The following RBMS3 variants were observed in gnomAD, a reference collection of about 807,000 sequenced individuals.
RBMS3 encodes RNA binding motif single stranded interacting protein 3, also known as RNA-binding motif, single-stranded-interacting protein 3.
RBMS3 carries 27 observed loss-of-function variants against 66.8 expected under a neutral mutation model. That is an observed-to-expected ratio of 0.40 (90% confidence interval 0.30 to 0.56). RBMS3 has a LOEUF of 0.56. RBMS3 is among the 20% of genes least tolerant of loss of function. The pLI is 0.40. For synonymous variants in RBMS3, 188 were observed against 183.0 expected, an observed-to-expected ratio of 1.03 and a Z score of -0.22; for missense variants, 513 against 549.5, an observed-to-expected ratio of 0.93 and a Z score of 0.66.
chr3:29,450,701 A>G (rs543499379), intron 2 of RBMS3, among the ~76,000 whole-genome samples: 1 of 152,266 alleles, frequency 6.6e-6, no homozygotes, highest in African/African-American at 2.4e-5. Context: ...AACCTGATGA[A>G]AGGTATGTAT....
At position 29,647,332 on chromosome 3, in the gene RBMS3, C is replaced by T. The variant is rs1006495012; in HGVS notation, c.399+60127C>T. Among the ~76,000 whole-genome samples the T allele has an allele frequency of 9.1e-4, 138 of 152,156 alleles. 1 individual carries two copies. The highest frequency in any genetic ancestry group is 3.2e-3 in the African/African-American group (131 of 41,514). On this transcript the variant is annotated intron_variant, in intron 4 of 14. Coordinates refer to ENST00000383767, the MANE Select transcript of RBMS3 (RefSeq NM_001003793.3). ...CTGAATGCCCAGGGAGATTGGTGGC[C>T]CTTGCCAGGAAGTGTCTTAACACTT...
At chr3:29,313,622 C>A (rs968427681) in intron 1 of RBMS3, among the ~76,000 whole-genome samples, 1 of 151,568 alleles carries the variant, frequency 6.6e-6, no homozygotes, top group African/African-American at 2.4e-5. Flanking sequence ...AGCCCTTTTT[C>A]CCCTCAGAAA....
chr3:29,625,656 C>T (rs943353777), intron 4 of RBMS3, among the ~76,000 whole-genome samples: 1 of 151,200 alleles, frequency 6.6e-6, no homozygotes, highest in Non-Finnish European at 1.5e-5. Flanking sequence ...TGAGATTGCG[C>T]CATTGCACTC....
chr3:29,306,292 G>A (rs1252528975), intron 1 of RBMS3, among the ~76,000 whole-genome samples: 1 of 151,862 alleles, frequency 6.6e-6, no homozygotes, highest in East Asian at 2.0e-4. Flanking sequence ...AATAGCAGCT[G>A]TTCTTTTCCA....
intron 4 of RBMS3, among the ~76,000 whole-genome samples, chr3:29,647,405 T>TAAAAAC (rs1175288357): frequency 1.3e-5 from 2 of 152,170 alleles, no homozygotes; most frequent in Non-Finnish European, 2.9e-5. Flanking sequence ...CTCATCAAAT[T>TAAAAAC]AAAAACAAAA....
intron 3 of RBMS3, among the ~76,000 whole-genome samples, chr3:29,577,679 T>C (rs763013502): frequency 3.3e-5 from 5 of 152,166 alleles, no homozygotes; most frequent in Non-Finnish European, 7.4e-5. Flanking sequence ...ATAGCTTTGC[T>C]CTCCACTGTG....
At chr3:29,283,733 G>A (rs1440286198) in intron 1 of RBMS3, among the ~76,000 whole-genome samples, 1 of 152,160 alleles carries the variant, frequency 6.6e-6, no homozygotes, top group Non-Finnish European at 1.5e-5. Context: ...TATAAGATCA[G>A]CTATTTTGCC....
chr3:29,484,818 C>A (rs2043262279), intron 2 of RBMS3, among the ~76,000 whole-genome samples: 1 of 152,144 alleles, frequency 6.6e-6, no homozygotes, highest in Admixed American at 6.5e-5. Context: ...AGGCAAACAA[C>A]CACATTTGCT....
chr3:29,471,013 C>T (rs1432087811), intron 2 of RBMS3, among the ~76,000 whole-genome samples: 2 of 152,090 alleles, frequency 1.3e-5, no homozygotes, highest in Non-Finnish European at 2.9e-5. Flanking sequence ...ATATTAAATA[C>T]ATTGCTTTTG....
At chr3:29,349,374 T>A (rs1175737095) in intron 1 of RBMS3, among the ~76,000 whole-genome samples, 2 of 152,184 alleles carry the variant, frequency 1.3e-5, no homozygotes, top group Non-Finnish European at 2.9e-5. Context: ...TCAATCCCAA[T>A]ACAGCTGCAC....
intron 6 of RBMS3, among the ~76,000 whole-genome samples, chr3:29,862,120 A>G (rs964230276): frequency 6.6e-6 from 1 of 152,242 alleles, no homozygotes; most frequent in Non-Finnish European, 1.5e-5. Context: ...AACATTTAAT[A>G]TGCATTCCTC....
intron 3 of RBMS3, among the ~76,000 whole-genome samples, chr3:29,569,839 T>C (rs1396059645): frequency 6.6e-6 from 1 of 152,132 alleles, no homozygotes; most frequent in African/African-American, 2.4e-5. Flanking sequence ...ATAAAATCAG[T>C]TTTGCAAGTT....
intron 1 of RBMS3, among the ~76,000 whole-genome samples, chr3:29,302,740 C>T (rs1017826858): frequency 6.6e-6 from 1 of 152,036 alleles, no homozygotes; most frequent in Non-Finnish European, 1.5e-5. Flanking sequence ...AGAGTCCAAA[C>T]TCCCTTGCCA....
chr3:29,411,574 T>C (rs944851994), intron 1 of RBMS3, among the ~76,000 whole-genome samples: 3 of 152,188 alleles, frequency 2.0e-5, no homozygotes, highest in African/African-American at 4.8e-5. Context: ...AATAATGTTG[T>C]GTTAAAAATC....
At chr3:29,405,034 C>A (rs2039957971) in intron 1 of RBMS3, among the ~76,000 whole-genome samples, 1 of 152,022 alleles carries the variant, frequency 6.6e-6, no homozygotes, top group African/African-American at 2.4e-5. Flanking sequence ...CCACAATAAC[C>A]ATGGATAAAT....
chr3:29,493,161 A>T (rs771742332), intron 3 of RBMS3, among the ~76,000 whole-genome samples: 2 of 152,210 alleles, frequency 1.3e-5, no homozygotes, highest in African/African-American at 2.4e-5. Flanking sequence ...GTAGCTGTTA[A>T]AATGGTAGTC....
chr3:29,362,626 C>G (rs2037668379), intron 1 of RBMS3, among the ~76,000 whole-genome samples: 1 of 152,178 alleles, frequency 6.6e-6, no homozygotes, highest in Non-Finnish European at 1.5e-5. Flanking sequence ...ACACTGGGAG[C>G]TGTAGACTGG....
intron 1 of RBMS3, among the ~76,000 whole-genome samples, chr3:29,334,336 G>T (rs1280396968): frequency 6.6e-6 from 1 of 152,056 alleles, no homozygotes; most frequent in Non-Finnish European, 1.5e-5. Flanking sequence ...AAATGAAGAG[G>T]TTAGTTTGCT....
chr3:29,871,382 T>TTTTG lies in RBMS3; in HGVS notation c.744+2439_744+2442dup, dbSNP rs565422206. Among the ~76,000 whole-genome samples, 142 of 152,110 alleles carry TTTTG rather than the reference T, an allele frequency of 9.3e-4. 1 individual carries two copies. The highest frequency in any genetic ancestry group is 6.6e-4 in the Admixed American group (10 of 15,250). On this transcript the variant is annotated intron_variant, in intron 7 of 14. Transcript: ENST00000383767. ...TGGGTCAGATTCTTAAGGGAGGGTT[T>TTTTG]TTTGTTTGTTTGTTTGTTTGTTTGA...
Sources: gnomAD v4.1 joint callset for allele counts (sites outside exome capture counted in the v4.1 genomes callset) on GRCh38, gnomAD v4.1.1 for gene constraint, MANE v1.5 for transcripts, NCBI Gene and HGNC (gene_info 2026-07-23, HGNC 2026-07-21) for gene names.